The following CTNND2 variants were observed in gnomAD, a reference collection of about 807,000 sequenced individuals.
CTNND2 encodes the protein catenin delta 2.
CTNND2 carries 22 observed loss-of-function variants against 144.4 expected under a neutral mutation model. The observed-to-expected ratio is 0.15, with a 90% CI of 0.11 to 0.22. The LOEUF (loss-of-function observed/expected upper bound fraction) is 0.22. Among genes scored for constraint, CTNND2 ranks in the 10% least tolerant of loss-of-function variants. The pLI is 1.00. For missense variants in CTNND2, 1,353 were observed against 1,618.8 expected (o/e 0.84, Z 2.82); for synonymous variants, 751 against 695.6 (o/e 1.08, Z -1.25).
intron 1 of CTNND2, among the ~76,000 whole-genome samples, chr5:11,824,310 A>T (rs1198981057): frequency 1.3e-5 from 2 of 152,140 alleles, no homozygotes; most frequent in East Asian, 3.9e-4. Context: ...CAAGTGTAAA[A>T]CACAACCCTC....
intron 2 of CTNND2, among the ~76,000 whole-genome samples, chr5:11,724,754 T>C (rs1470377588): frequency 6.6e-6 from 1 of 152,248 alleles, no homozygotes. Context: ...GACTAGACTT[T>C]TATGTAATTT....
At chr5:11,389,489 G>GGTGT (rs35535538) in intron 6 of CTNND2, among the ~76,000 whole-genome samples, 35 of 151,520 alleles carry the variant, frequency 2.3e-4, no homozygotes, top group South Asian at 4.2e-4. Flanking sequence ...TACATTACAT[G>GGTGT]GTGTGTGTGT....
At chr5:11,446,675 C>T (rs527430797) in intron 3 of CTNND2, among the ~76,000 whole-genome samples, 1 of 152,086 alleles carries the variant, frequency 6.6e-6, no homozygotes, top group African/African-American at 2.4e-5. Flanking sequence ...GTCTGTACCC[C>T]ACATCTGTGG....
intron 18 of CTNND2, among the ~76,000 whole-genome samples, chr5:10,998,294 T>C (rs896720941): frequency 6.6e-5 from 10 of 152,134 alleles, no homozygotes; most frequent in African/African-American, 2.4e-4. Flanking sequence ...CCTCTGAGGA[T>C]GGCCAGGGAC....
intron 11 of CTNND2, among the ~76,000 whole-genome samples, chr5:11,198,268 G>C (rs1297936924): frequency 6.6e-6 from 1 of 152,074 alleles, no homozygotes. Flanking sequence ...TAGTAGCACG[G>C]CAATTTTAAC....
At chr5:11,020,021 A>AT (rs1417774448) in intron 17 of CTNND2, among the ~76,000 whole-genome samples, 1 of 152,204 alleles carries the variant, frequency 6.6e-6, no homozygotes, top group Non-Finnish European at 1.5e-5. Context: ...TTGGAGTTTG[A>AT]TCTTCACTAG....
chr5:11,222,061 C>T (rs1291549674), intron 10 of CTNND2, among the ~76,000 whole-genome samples: 1 of 152,146 alleles, frequency 6.6e-6, no homozygotes, highest in Non-Finnish European at 1.5e-5. Flanking sequence ...CAGTGAGTGC[C>T]GGCTCCTTCA....
chr5:11,067,059 G>A (rs1363304146), intron 16 of CTNND2, among the ~76,000 whole-genome samples: 1 of 152,194 alleles, frequency 6.6e-6, no homozygotes, highest in Admixed American at 6.5e-5. Context: ...AAGGGACAGG[G>A]CCTGGGGAAG....
chr5:11,483,798 CTG>C (rs1352626410), intron 3 of CTNND2, among the ~76,000 whole-genome samples: 4 of 152,186 alleles, frequency 2.6e-5, no homozygotes, highest in African/African-American at 4.8e-5. Flanking sequence ...TTAAAGGAAA[CTG>C]AACTCCCAGG....
At chr5:11,181,592 C>T (rs888362306) in intron 11 of CTNND2, among the ~76,000 whole-genome samples, 4 of 152,094 alleles carry the variant, frequency 2.6e-5, no homozygotes, top group Non-Finnish European at 5.9e-5. Flanking sequence ...GGAACTGCGT[C>T]TGGTAGAGCA....
chr5:11,113,513 G>C (rs920659463), intron 13 of CTNND2, among the ~76,000 whole-genome samples: 3 of 152,136 alleles, frequency 2.0e-5, no homozygotes, highest in African/African-American at 7.2e-5. Context: ...ACGTTTGCTG[G>C]TTAAGACAAA....
rs534560604 is a variant in CTNND2 at position 11,286,303 on chromosome 5, T to A, written c.1629-49480A>T. 7.9e-5 allele frequency among the ~76,000 whole-genome samples: 12 copies of A among 152,300 alleles called. No individual in the cohort carries two copies. The East Asian group carries it at 1.9e-3, about 24-fold the overall frequency. On this transcript the variant is annotated intron_variant, in intron 9 of 21. Transcript: ENST00000304623. ...AAGAATCTAGATACCATCAATAATT[T>A]ATAAATGCCTCCTATATAGTTAATA... is the stretch of plus-strand genomic sequence containing the variant.
chr5:11,810,256 C>T (rs1447314236), intron 1 of CTNND2, among the ~76,000 whole-genome samples: 1 of 151,938 alleles, frequency 6.6e-6, no homozygotes, highest in Non-Finnish European at 1.5e-5. Context: ...AGTTAAATTG[C>T]TAAGATTATG....
Position 11,904,085 on chromosome 5 carries a change from G to C in CTNND2, c.-232C>G, listed in dbSNP as rs1191749379. On this transcript the variant is annotated 5_prime_UTR_variant, in exon 1 of 22. Transcript: ENST00000304623. This position sits in a 1 kb window ranked among gnomAD's most constrained non-coding sequence, Gnocchi z 4.2. The stretch of plus-strand genomic sequence containing the variant: ...GCCCGGCGGCCCCTCCGAGCTCGGC[G>C]AGCGCAGCGCCCCCTGCCCGGCTCC... The C allele has an allele frequency of 9.8e-6, 2 of 203,754 alleles. 1 individual carries two copies. 12.6% of individuals were successfully genotyped at this position (203,754 alleles called of 1,614,324 possible). A position where few individuals can be genotyped will look rare whatever the true frequency, so the allele number is the denominator to read the frequency against.
intron 9 of CTNND2, among the ~76,000 whole-genome samples, chr5:11,308,253 A>C (rs1330421021): frequency 2.0e-5 from 3 of 150,552 alleles, no homozygotes; most frequent in African/African-American, 7.4e-5. Flanking sequence ...CAAGCTATCT[A>C]TTCAATTTGC....
At chr5:11,651,344 A>G (rs1266449837) in intron 2 of CTNND2, among the ~76,000 whole-genome samples, 2 of 152,238 alleles carry the variant, frequency 1.3e-5, no homozygotes, top group African/African-American at 2.4e-5. Flanking sequence ...GCCTCTGTAT[A>G]GATTTCAGAA....
At chr5:11,150,920 C>A (rs944591012) in intron 12 of CTNND2, among the ~76,000 whole-genome samples, 2 of 152,116 alleles carry the variant, frequency 1.3e-5, no homozygotes, top group African/African-American at 2.4e-5. Flanking sequence ...GCCACCGCGT[C>A]CAGCCTGAAC....
chr5:11,629,038 G>T (rs928830762), intron 2 of CTNND2, among the ~76,000 whole-genome samples: 1 of 152,166 alleles, frequency 6.6e-6, no homozygotes, highest in Non-Finnish European at 1.5e-5. Flanking sequence ...AATTGGGAGT[G>T]CTATGAGGCT....
At chr5:11,530,340 G>A (rs1448001275) in intron 3 of CTNND2, among the ~76,000 whole-genome samples, 1 of 152,094 alleles carries the variant, frequency 6.6e-6, no homozygotes, top group Non-Finnish European at 1.5e-5. Context: ...TCAAAGAATG[G>A]ACTTATAGAT....
Sources: gnomAD v4.1 joint callset for allele counts (sites outside exome capture counted in the v4.1 genomes callset) on GRCh38, gnomAD v4.1.1 for gene constraint, Gnocchi (gnomAD v3.1) non-coding constraint, MANE v1.5 for transcripts, NCBI Gene and HGNC (gene_info 2026-07-23, HGNC 2026-07-21) for gene names.